The following VAPB variants were observed in gnomAD, a reference collection of about 807,000 sequenced individuals.
The protein encoded by VAPB is vesicle-associated membrane protein-associated protein B/C.
In VAPB, 7 loss-of-function variants were observed where a neutral mutation model predicts 25.6. The observed-to-expected ratio is 0.27, with a 90% confidence interval of 0.16 to 0.51. The LOEUF (loss-of-function observed/expected upper bound fraction) is 0.51. Among genes scored for constraint, VAPB ranks in the 20% least tolerant of loss-of-function variants. The probability of loss-of-function intolerance (pLI) is 0.97; values close to 1 mark genes in which losing one functional copy is unlikely to be tolerated. For missense variants in VAPB, 266 were observed against 301.3 expected (o/e 0.88, Z 0.87); for synonymous variants, 112 against 109.2 (o/e 1.03, Z -0.16).
At chr20:58,426,284 A>C (rs1988780512) in intron 2 of VAPB, among the ~76,000 whole-genome samples, 1 of 152,058 alleles carries the variant, frequency 6.6e-6, no homozygotes, top group South Asian at 2.1e-4. Context: ...TGTAGCCTCA[A>C]ATTTCTGGGC....
chr20:58,431,644 C>T (rs940997576), intron 2 of VAPB: 5 of 151,758 alleles, frequency 3.3e-5, no homozygotes, highest in African/African-American at 1.2e-4. Flanking sequence ...TATCATAGCT[C>T]TCTGCAGCCT....
rs186514648 is a variant in VAPB, at chr20:58,446,584, T to C, written c.*2349T>C. ...CTGTTTTAGACCTTTGAAGGTGATT[T>C]AGAGTTTTGTGTACATCTAGGAGAA... On this transcript the variant is annotated 3_prime_UTR_variant, in exon 6 of 6. Transcript: ENST00000475243. The C allele has an allele frequency of 2.2e-6, 1 of 454,132 alleles. No individual in the cohort carries two copies. The highest frequency in any genetic ancestry group is 2.0e-5 in the African/African-American group (1 of 50,130). 28.1% of individuals were successfully genotyped at this position (454,132 alleles called of 1,614,324 possible).
intron 3 of VAPB, among the ~76,000 whole-genome samples, chr20:58,436,192 A>T (rs1054572976): frequency 2.0e-5 from 3 of 151,888 alleles, no homozygotes; most frequent in Non-Finnish European, 2.9e-5. Flanking sequence ...ATAAGTTTAA[A>T]TTTTTTTTAT....
At chr20:58,410,789 A>C (rs189254283) in intron 1 of VAPB, among the ~76,000 whole-genome samples, 226 of 152,284 alleles carry the variant, frequency 1.5e-3, no homozygotes, top group African/African-American at 5.1e-3. Flanking sequence ...GTAAAATCAT[A>C]CAGTATGCTA....
At chr20:58,413,822 G>A (rs1376417181) in intron 1 of VAPB, among the ~76,000 whole-genome samples, 8 of 143,402 alleles carry the variant, frequency 5.6e-5, no homozygotes, top group African/African-American at 2.1e-4. Context: ...CCGGGCGGGG[G>A]GCTGACCCCG....
chr20:58,429,696 G>C (rs184745541), intron 2 of VAPB, among the ~76,000 whole-genome samples: 2 of 152,340 alleles, frequency 1.3e-5, no homozygotes, highest in Admixed American at 6.5e-5. Context: ...GGCCAGGTAC[G>C]TCCCGAAAAC....
At chr20:58,424,086 C>T (rs900952539) in intron 2 of VAPB, among the ~76,000 whole-genome samples, 2 of 152,140 alleles carry the variant, frequency 1.3e-5, no homozygotes, top group South Asian at 2.1e-4. Flanking sequence ...ATTTTGTCTA[C>T]CTCAGTTAGC....
At chr20:58,424,747 T>C (rs1046390799) in intron 2 of VAPB, among the ~76,000 whole-genome samples, 18 of 152,242 alleles carry the variant, frequency 1.2e-4, no homozygotes, top group African/African-American at 4.1e-4. Flanking sequence ...AAAGGAGACC[T>C]CACTGTCAGC....
At chr20:58,398,978 A>G (rs8124802) in intron 1 of VAPB, among the ~76,000 whole-genome samples, 11 of 152,212 alleles carry the variant, frequency 7.2e-5, no homozygotes, top group African/African-American at 2.6e-4. Flanking sequence ...GACTAGAGAA[A>G]GAGGCTTGAA....
chr20:58,448,272 A>G lies in VAPB; in HGVS notation c.*4037A>G. The G allele has an allele frequency of 2.2e-6, 1 of 454,044 alleles. No homozygotes were observed. Among genetic ancestry groups the G allele is most frequent in the South Asian group, 1.6e-5 (1 of 64,476 alleles). The allele number at this position is 454,044 out of a possible 1,614,324, so 28.1% of individuals were successfully genotyped here. On this transcript the variant is annotated 3_prime_UTR_variant, in exon 6 of 6. Transcript: ENST00000475243. ...CTGGAACACCAAGAGCAGCTCTGAG[A>G]TCATGCTGGCCCTACGCGAATTGAG...
chr20:58,398,842 T>C (rs1181091374), intron 1 of VAPB, among the ~76,000 whole-genome samples: 3 of 149,656 alleles, frequency 2.0e-5, no homozygotes, highest in African/African-American at 5.0e-5. Flanking sequence ...ATCTGTCTGA[T>C]TGCAAAGGCT....
chr20:58,439,030 GTATATT>G lies in VAPB; in HGVS notation c.396+10_396+15del. 6.2e-7 allele frequency: 1 copy of G among 1,609,418 alleles called. No homozygotes were observed. Among genetic ancestry groups the G allele is most frequent in the Non-Finnish European group, 8.5e-7 (1 of 1,176,204 alleles). On this transcript the variant is annotated splice_donor_region_variant and intron_variant, in intron 4 of 5. Coordinates refer to ENST00000475243, the MANE Select transcript of VAPB (RefSeq NM_004738.5). ...CCAGCAGAGAATGATAAACCAGTAAGTATATTTATAGTTAACAATAATTGAATGTTG... is the reference window on the plus strand; with the variant it reads ...CCAGCAGAGAATGATAAACCAGTAAGTATAGTTAACAATAATTGAATGTTG...
At position 58,446,595 on chromosome 20, in the gene VAPB, G is replaced by GT. The variant is rs763585463; in HGVS notation, c.*2361dup. 16 of 454,112 alleles carry GT rather than the reference G, an allele frequency of 3.5e-5. No homozygotes were observed. Among genetic ancestry groups the GT allele is most frequent in the South Asian group, 2.2e-4 (14 of 64,480 alleles). 28.1% of individuals were successfully genotyped at this position (454,112 alleles called of 1,614,324 possible). ...CTTTGAAGGTGATTTAGAGTTTTGT[G>GT]TACATCTAGGAGAAGGTGTTCAGCT... On this transcript the variant is annotated 3_prime_UTR_variant, in exon 6 of 6. Coordinates refer to ENST00000475243, the MANE Select transcript of VAPB (RefSeq NM_004738.5).
At chr20:58,426,897 T>C (rs939102321) in intron 2 of VAPB, among the ~76,000 whole-genome samples, 3 of 152,244 alleles carry the variant, frequency 2.0e-5, no homozygotes, top group African/African-American at 7.2e-5. Flanking sequence ...AAGTGAAGCA[T>C]GTGCTGTAGT....
intron 2 of VAPB, among the ~76,000 whole-genome samples, chr20:58,426,778 T>G (rs973252043): frequency 1.3e-5 from 2 of 152,084 alleles, no homozygotes; most frequent in African/African-American, 4.8e-5. Context: ...GGAAAGAAAC[T>G]AGAAGAAACT....
At chr20:58,397,830 C>T (rs371326551) in intron 1 of VAPB, among the ~76,000 whole-genome samples, 7 of 152,270 alleles carry the variant, frequency 4.6e-5, no homozygotes, top group African/African-American at 1.2e-4. Flanking sequence ...AGACTTGTCT[C>T]AATTGTTCAA....
chr20:58,428,368 A>G (rs1268021651), intron 2 of VAPB, among the ~76,000 whole-genome samples: 2 of 152,210 alleles, frequency 1.3e-5, no homozygotes, highest in Non-Finnish European at 2.9e-5. Flanking sequence ...AGTAGGATAG[A>G]TGGTTCATTT....
intron 1 of VAPB, among the ~76,000 whole-genome samples, chr20:58,402,811 C>T (rs2123031148): frequency 6.6e-6 from 1 of 152,182 alleles, no homozygotes; most frequent in African/African-American, 2.4e-5. Context: ...TTGAGATGAG[C>T]CTGGGCAATA....
At chr20:58,427,749 G>C (rs1369531326) in intron 2 of VAPB, among the ~76,000 whole-genome samples, 1 of 151,950 alleles carries the variant, frequency 6.6e-6, no homozygotes, top group Non-Finnish European at 1.5e-5. Flanking sequence ...TCTGTGATCT[G>C]TTACCATTAT....
Sources: gnomAD v4.1 joint callset for allele counts (sites outside exome capture counted in the v4.1 genomes callset) on GRCh38, gnomAD v4.1.1 for gene constraint, MANE v1.5 for transcripts, NCBI Gene and HGNC (gene_info 2026-07-23, HGNC 2026-07-21) for gene names.